The following LCP2 variants were observed in gnomAD, a reference collection of about 807,000 sequenced individuals.
LCP2 encodes 76 kDa tyrosine phosphoprotein.
Under a neutral mutation model 74.5 loss-of-function variants are expected in LCP2, and 29 were observed. That is an observed-to-expected ratio of 0.39 (90% confidence interval 0.29 to 0.53). LCP2 has a LOEUF of 0.53. Among genes scored for constraint, LCP2 ranks in the 20% least tolerant of loss-of-function variants. The pLI, the probability that LCP2 is intolerant of heterozygous loss-of-function variation, is 0.72. For synonymous variants in LCP2, 228 were observed against 229.5 expected (o/e 0.99, Z 0.06); for missense variants, 604 against 634.6 (o/e 0.95, Z 0.52).
chr5:170,265,782 G>GCCT (rs1761743574), intron 10 of LCP2, among the ~76,000 whole-genome samples: 1 of 152,302 alleles, frequency 6.6e-6, no homozygotes, highest in South Asian at 2.1e-4. Context: ...AAAGCTAAAT[G>GCCT]CCTTGCTCAG....
Position 170,281,366 on chromosome 5 carries a change from G to A in LCP2, c.189-5506C>T, listed in dbSNP as rs185515896. On this transcript the variant is annotated intron_variant, in intron 3 of 20. Transcript: ENST00000046794. ...ACGATCTTGGCTCACTGCAAGTTCT[G>A]CCTCCCGGGTTCACGCCATTCTCCT... is the stretch of plus-strand genomic sequence containing the variant. Among the ~76,000 whole-genome samples the A allele has an allele frequency of 5.8e-3, 876 of 151,954 alleles. 6 individuals carry two copies. The highest frequency in any genetic ancestry group is 0.018 in the African/African-American group (747 of 41,436).
intron 13 of LCP2, 113 bp from the exon 14 acceptor site, chr5:170,261,250 A>G (rs1160791208): frequency 1.3e-6 from 1 of 777,978 alleles, no homozygotes; most frequent in Non-Finnish European, 2.2e-6. Flanking sequence ...CACTGAGCCT[A>G]GGGAAGATGG....
intron 8 of LCP2, 167 bp from the exon 9 acceptor site, chr5:170,267,242 C>T: frequency 1.5e-6 from 1 of 675,342 alleles, no homozygotes; most frequent in Non-Finnish European, 2.6e-6. Context: ...TATCTGAGCT[C>T]CCTGTTCTAG....
At chr5:170,290,981 AAAGAAAGAAAGAAAGAAAGAGAG>A (rs1762282616) in intron 2 of LCP2, among the ~76,000 whole-genome samples, 1 of 91,230 alleles carries the variant, frequency 1.1e-5, no homozygotes, top group Non-Finnish European at 2.3e-5. Flanking sequence ...AGAAAGAAAG[AAAGAAAGAAAGAAAGAAAGAGAG>A]AAAGAAAGAG....
chr5:170,251,741 T>A, intron 19 of LCP2: 1 of 448,772 alleles, frequency 2.2e-6, no homozygotes, highest in South Asian at 1.6e-5. Flanking sequence ...ACCTGGGAAG[T>A]TTGAAGACTC....
intron 2 of LCP2, among the ~76,000 whole-genome samples, chr5:170,290,951 GA>G (rs1403182211): frequency 1.4e-4 from 10 of 73,396 alleles, no homozygotes; most frequent in South Asian, 1.1e-3. Context: ...AAGAAAGAAA[GA>G]AAAGAAAGAA....
rs149897086 is a variant in LCP2 at position 170,293,208 on chromosome 5, C to T, written c.141+102G>A. On this transcript the variant is annotated intron_variant, in intron 2 of 20. Coordinates refer to ENST00000046794, the MANE Select transcript of LCP2 (RefSeq NM_005565.5). ...AATTTCTGGAAAAAGCAAAGGGATC[C>T]TCGGGTGTCCCCAGGGAAAGGGTAG... 6.8e-3 allele frequency: 7,840 copies of T among 1,155,792 alleles called. 39 individuals carry two copies. The highest frequency in any genetic ancestry group is 7.9e-3 in the Non-Finnish European group (6,260 of 791,018). 71.6% of individuals were successfully genotyped at this position (1,155,792 alleles called of 1,614,324 possible).
intron 3 of LCP2, among the ~76,000 whole-genome samples, chr5:170,281,013 A>T (rs191574697): frequency 2.6e-5 from 4 of 152,204 alleles, no homozygotes; most frequent in African/African-American, 9.6e-5. Flanking sequence ...TCAAAAATAA[A>T]AATAATAATA....
At chr5:170,284,584 G>A (rs2113204687) in intron 3 of LCP2, among the ~76,000 whole-genome samples, 1 of 151,886 alleles carries the variant, frequency 6.6e-6, no homozygotes, top group Admixed American at 6.6e-5. Flanking sequence ...GAGCCTCTTG[G>A]ATCTGTGGGT....
At position 170,297,594 on chromosome 5, in the gene LCP2, C is replaced by G; in HGVS notation, c.18G>C (p.Val6=). MALRN[V]PFRSEVLGWD... is the part of the protein sequence containing the mutation. ...AGCCCAGGACCTCTGAGCGAAAGGG[C>G]ACATTCCTCAGTGCCATGGCTGCTC... The change falls in exon 1 of 21, where the codon GTG becomes GTC. Residue 6 remains valine, a synonymous_variant. Transcript: ENST00000046794. 1 of 1,612,104 alleles carries G rather than the reference C, an allele frequency of 6.2e-7. No homozygotes were observed. Among genetic ancestry groups the G allele is most frequent in the South Asian group, 1.1e-5 (1 of 90,558 alleles).
chr5:170,256,642 G>A lies in LCP2; in HGVS notation c.1101-67C>T, dbSNP rs1761557289. On this transcript the variant is annotated intron_variant, in intron 16 of 20. Transcript: ENST00000046794. The surrounding 1 kb of genome is among the most constrained non-coding windows in gnomAD (Gnocchi z 4.5). ...TGATGGGGCCAGACAGGGGAGCTGG[G>A]TTAGGGAAGCCAGGCTGCAAATGCT... 1.7e-6 allele frequency: 2 copies of A among 1,144,464 alleles called. No homozygotes were observed. Among genetic ancestry groups the A allele is most frequent in the South Asian group, 2.5e-5 (2 of 81,298 alleles). 70.9% of individuals were successfully genotyped at this position (1,144,464 alleles called of 1,614,324 possible). A position where few individuals can be genotyped will look rare whatever the true frequency, so the allele number is the denominator to read the frequency against.
In LCP2 at chr5:170,274,335, C is replaced by T. The variant is rs1467691386; in HGVS notation, c.290G>A (p.Ser97Asn). 1 of 1,613,106 alleles carries T rather than the reference C, an allele frequency of 6.2e-7. No individual in the cohort carries two copies. The highest frequency in any genetic ancestry group is 8.5e-7 in the Non-Finnish European group (1 of 1,179,570). ...CCAGCCCCCATTGTCCTCTTCGTGG[C>T]TTTCTGTGGAAGGAGATGACACCAC... ...QVPRFPEETESHEEDNGGWSS... is the reference protein window; with the variant it reads ...QVPRFPEETENHEEDNGGWSS... Residue 97 changes from serine (S) to asparagine (N), a missense_variant, in exon 6 of 21, where the codon AGC becomes AAC. Physicochemically the swap from Ser to Asn is conservative, Grantham distance 46 (BLOSUM62 1). Coordinates refer to ENST00000046794, the MANE Select transcript of LCP2 (RefSeq NM_005565.5).
At chr5:170,295,904 C>A (rs1762371835) in intron 1 of LCP2, among the ~76,000 whole-genome samples, 1 of 152,132 alleles carries the variant, frequency 6.6e-6, no homozygotes, top group South Asian at 2.1e-4. Flanking sequence ...CTCTCCCTTC[C>A]CCCAGCTCAG....
At chr5:170,264,388 C>A (rs1188701414) in intron 10 of LCP2, among the ~76,000 whole-genome samples, 1 of 152,262 alleles carries the variant, frequency 6.6e-6, no homozygotes, top group Admixed American at 6.5e-5. Context: ...CCTTCCACAC[C>A]CAGGCACAGT....
intron 13 of LCP2, among the ~76,000 whole-genome samples, chr5:170,261,580 T>C (rs1246907030): frequency 3.9e-5 from 6 of 152,216 alleles, no homozygotes; most frequent in Non-Finnish European, 8.8e-5. Context: ...GGTAATATTC[T>C]CCCTTGCTCT....
At chr5:170,255,021 A>G (rs1483419502) in intron 17 of LCP2, among the ~76,000 whole-genome samples, 1 of 152,252 alleles carries the variant, frequency 6.6e-6, no homozygotes, top group African/African-American at 2.4e-5. Flanking sequence ...AAGCCCCATC[A>G]CAGACTCATA....
intron 16 of LCP2, 118 bp downstream of exon 16, chr5:170,257,919 G>T: frequency 1.8e-6 from 2 of 1,140,546 alleles, no homozygotes; most frequent in Admixed American, 1.9e-5. Flanking sequence ...GACCCAAAAT[G>T]TTCAGACCCT....
intron 3 of LCP2, among the ~76,000 whole-genome samples, chr5:170,277,978 C>T (rs900646642): frequency 6.6e-6 from 1 of 151,786 alleles, no homozygotes; most frequent in African/African-American, 2.4e-5. Flanking sequence ...TGCCTCCTGA[C>T]CATGCCGTCA....
chr5:170,271,056 T>A, intron 6 of LCP2, 139 bp from the exon 7 acceptor site: 1 of 680,854 alleles, frequency 1.5e-6, no homozygotes, highest in Non-Finnish European at 2.4e-6. Context: ...ACTCCCATTT[T>A]ACAGATGAGG....
Sources: gnomAD v4.1 joint callset for allele counts (sites outside exome capture counted in the v4.1 genomes callset) on GRCh38, gnomAD v4.1.1 for gene constraint, Gnocchi (gnomAD v3.1) non-coding constraint, MANE v1.5 for transcripts, NCBI Gene and HGNC (gene_info 2026-07-23, HGNC 2026-07-21) for gene names.